The following APLF variants were observed in gnomAD, a reference collection of about 807,000 sequenced individuals.
APLF encodes the protein aprataxin and PNKP like factor.
Under a neutral mutation model 55.6 loss-of-function variants are expected in APLF, and 61 were observed. That is an observed-to-expected ratio of 1.10 (90% CI 0.89 to 1.36). APLF has a LOEUF of 1.36. Ranked by LOEUF, APLF falls within the 40% of genes most tolerant of loss-of-function variation. The pLI is 0.00. For missense variants in APLF, 611 were observed against 602.5 expected, an observed-to-expected ratio of 1.01 and a Z score of -0.15; for synonymous variants, 207 against 214.8, an observed-to-expected ratio of 0.96 and a Z score of 0.32.
chr2:68,566,396 C>T (rs1458503349), intron 8 of APLF, among the ~76,000 whole-genome samples: 1 of 152,072 alleles, frequency 6.6e-6, no homozygotes, highest in Non-Finnish European at 1.5e-5. Flanking sequence ...CCCCCAGACT[C>T]TGTCTCCTTA....
At chr2:68,486,609 A>G (rs993508446) in intron 1 of APLF, among the ~76,000 whole-genome samples, 1 of 152,032 alleles carries the variant, frequency 6.6e-6, no homozygotes, top group African/African-American at 2.4e-5. Flanking sequence ...TGAAACTGGC[A>G]TTTCTCATCT....
chr2:68,565,199 C>T (rs980819199), intron 8 of APLF, among the ~76,000 whole-genome samples: 1 of 149,128 alleles, frequency 6.7e-6, no homozygotes, highest in Non-Finnish European at 1.5e-5. Context: ...ATTATCACAG[C>T]TCTCAAAAGC....
At chr2:68,468,989 GGTGTGTGTGTGTGTGT>G (rs34695552) in intron 1 of APLF, among the ~76,000 whole-genome samples, 1 of 146,662 alleles carries the variant, frequency 6.8e-6, no homozygotes, top group South Asian at 2.2e-4. Flanking sequence ...GTCCTAAAGG[GGTGTGTGTGTGTGTGT>G]GTGTGTGTGT....
At chr2:68,526,980 C>T (rs1028388575) in intron 6 of APLF, among the ~76,000 whole-genome samples, 4 of 152,206 alleles carry the variant, frequency 2.6e-5, no homozygotes, top group African/African-American at 7.2e-5. Flanking sequence ...AGAAAGATCA[C>T]ACACAAGGCT....
chr2:68,540,772 GT>G (rs1670525487), intron 7 of APLF, among the ~76,000 whole-genome samples: 2 of 147,962 alleles, frequency 1.4e-5, no homozygotes, highest in African/African-American at 5.0e-5. Flanking sequence ...ATGTGCATGC[GT>G]GTGTGTGTGT....
chr2:68,550,871 A>G (rs1187896599), intron 8 of APLF, among the ~76,000 whole-genome samples: 2 of 152,206 alleles, frequency 1.3e-5, no homozygotes, highest in Non-Finnish European at 2.9e-5. Flanking sequence ...TTAACTCACA[A>G]GACATTGTAA....
At chr2:68,478,776 G>A (rs1188036732) in intron 1 of APLF, among the ~76,000 whole-genome samples, 1 of 152,148 alleles carries the variant, frequency 6.6e-6, no homozygotes, top group African/African-American at 2.4e-5. Context: ...GTGAGCACTG[G>A]GATTTAAGGC....
At chr2:68,513,745 C>T (rs1669486379) in intron 5 of APLF, 65 bp downstream of exon 5, 2 of 1,559,842 alleles carry the variant, frequency 1.3e-6, no homozygotes, top group Admixed American at 1.8e-5. Context: ...GAAAGCTTTT[C>T]TGAAGAAAAA....
intron 7 of APLF, among the ~76,000 whole-genome samples, chr2:68,539,594 A>G (rs185142591): frequency 6.6e-6 from 1 of 152,212 alleles, no homozygotes; most frequent in Non-Finnish European, 1.5e-5. Flanking sequence ...GCTTCAACAT[A>G]TGAATTTTGG....
At chr2:68,493,402 AACTCTT>A (rs1201572233) in intron 2 of APLF, among the ~76,000 whole-genome samples, 3 of 152,176 alleles carry the variant, frequency 2.0e-5, no homozygotes, top group Non-Finnish European at 4.4e-5. Flanking sequence ...CAAACTATAA[AACTCTT>A]AGAATATAAT....
intron 2 of APLF, among the ~76,000 whole-genome samples, chr2:68,490,824 T>C (rs1023410184): frequency 5.3e-5 from 8 of 152,226 alleles, no homozygotes; most frequent in African/African-American, 1.9e-4. Context: ...ATATACAATG[T>C]GATTATTCCT....
chr2:68,526,779 C>T (rs1215326813), intron 6 of APLF, among the ~76,000 whole-genome samples: 1 of 152,156 alleles, frequency 6.6e-6, no homozygotes, highest in Non-Finnish European at 1.5e-5. Context: ...CCTCCACCTC[C>T]TGGGTTCAAG....
At chr2:68,554,678 T>C (rs1670955834) in intron 8 of APLF, among the ~76,000 whole-genome samples, 1 of 151,966 alleles carries the variant, frequency 6.6e-6, no homozygotes, top group African/African-American at 2.4e-5. Flanking sequence ...GGGGTTGAGT[T>C]CTTGATTTGA....
intron 6 of APLF, among the ~76,000 whole-genome samples, chr2:68,534,583 C>A (rs570896198): frequency 2.0e-5 from 3 of 152,208 alleles, no homozygotes; most frequent in Non-Finnish European, 4.4e-5. Context: ...CCACCACCTC[C>A]AAACACCCAG....
At chr2:68,565,594 G>A (rs2104064949) in intron 8 of APLF, among the ~76,000 whole-genome samples, 1 of 152,088 alleles carries the variant, frequency 6.6e-6, no homozygotes, top group Non-Finnish European at 1.5e-5. Context: ...AATATAGTAG[G>A]CAGTGCTGGA....
In APLF at chr2:68,513,603, G is replaced by C. The variant is rs148022399; in HGVS notation, c.545G>C (p.Arg182Thr). 1 of 1,611,488 alleles carries C rather than the reference G, an allele frequency of 6.2e-7. No homozygotes were observed. The highest frequency in any genetic ancestry group is 8.5e-7 in the Non-Finnish European group (1 of 1,178,298). The part of the protein sequence containing the change: ...CNKQQPILAE[R>T]KRILPTWMLA... ...AAGCAGCAGCCAATCCTTGCCGAGA[G>C]GAAAAGAATCCTTCCAACTTGGATG... The change falls in exon 5 of 10, where the codon AGG becomes ACG. Residue 182 changes from arginine (R) to threonine (T), a missense_variant. Arg to Thr is a moderately conservative substitution (Grantham distance 71). Transcript: ENST00000303795.
chr2:68,509,982 A>G (rs1676995167), intron 3 of APLF, among the ~76,000 whole-genome samples: 1 of 148,804 alleles, frequency 6.7e-6, no homozygotes, highest in Non-Finnish European at 1.5e-5. Context: ...AAAACCAAAC[A>G]CTGCATGTTC....
intron 1 of APLF, among the ~76,000 whole-genome samples, chr2:68,483,969 C>T (rs1223428116): frequency 1.3e-5 from 2 of 152,024 alleles, no homozygotes; most frequent in African/African-American, 4.8e-5. Context: ...AAGGTACCAC[C>T]CTATTCTATT....
intron 8 of APLF, among the ~76,000 whole-genome samples, chr2:68,561,190 A>G (rs1039745921): frequency 6.6e-6 from 1 of 152,124 alleles, no homozygotes; most frequent in Non-Finnish European, 1.5e-5. Context: ...AATGCTTAAT[A>G]GCATGCAGAT....
Sources: allele counts gnomAD v4.1 joint callset (sites outside exome capture counted in the v4.1 genomes callset), GRCh38; gene constraint gnomAD v4.1.1; transcripts MANE v1.5; gene names NCBI Gene and HGNC (gene_info 2026-07-23, HGNC 2026-07-21).